DPP6: variants seen among roughly 807,000 people sequenced by gnomAD.
DPP6 encodes the protein A-type potassium channel modulatory protein DPP6.
A neutral mutation model predicts 122.6 loss-of-function variants in DPP6; 69 were observed. The observed-to-expected ratio is 0.56, with a 90% CI of 0.46 to 0.69. The LOEUF (loss-of-function observed/expected upper bound fraction) is 0.69, where lower values mean the gene tolerates loss of function less well. Ranked by LOEUF, DPP6 falls within the 30% of genes least tolerant of loss-of-function variation. The pLI, the probability that DPP6 is intolerant of heterozygous loss-of-function variation, is 0.00. For missense variants in DPP6, 928 were observed against 1,116.9 expected (o/e 0.83, Z 2.41); for synonymous variants, 418 against 433.1 (o/e 0.97, Z 0.43).
chr7:154,696,961 C>T (rs1057326033), intron 7 of DPP6, among the ~76,000 whole-genome samples: 44 of 16,660 alleles, frequency 2.6e-3, no homozygotes, highest in African/African-American at 0.012. Context: ...TGTCCCAGCC[C>T]CTGAGAGAGT....
At chr7:154,011,478 TTCA>T (rs2129048941) in intron 1 of DPP6, among the ~76,000 whole-genome samples, 1 of 152,292 alleles carries the variant, frequency 6.6e-6, no homozygotes, top group East Asian at 1.9e-4. Flanking sequence ...GTACAAAAAA[TTCA>T]TCATTTTAAA....
chr7:154,211,915 G>T (rs537256245), intron 1 of DPP6, among the ~76,000 whole-genome samples: 1 of 152,168 alleles, frequency 6.6e-6, no homozygotes, highest in Non-Finnish European at 1.5e-5. Context: ...ATGAATTGAC[G>T]TGGTGTTACT....
intron 1 of DPP6, among the ~76,000 whole-genome samples, chr7:154,025,423 C>T (rs1174207820): frequency 8.8e-6 from 1 of 113,496 alleles, no homozygotes; most frequent in Non-Finnish European, 1.8e-5. Flanking sequence ...GTAGCTTAGT[C>T]AGAATCTCCC....
the DPP6 span, among the ~76,000 whole-genome samples, chr7:153,856,132 A>G: frequency 6.6e-6 from 1 of 152,080 alleles, no homozygotes; most frequent in African/African-American, 2.4e-5. Flanking sequence ...GAAATGAGGC[A>G]CCTCACTGAA....
At chr7:154,011,876 A>G (rs1286291629) in intron 1 of DPP6, among the ~76,000 whole-genome samples, 1 of 152,200 alleles carries the variant, frequency 6.6e-6, no homozygotes, top group Non-Finnish European at 1.5e-5. Context: ...AAACATTCCT[A>G]CTATCACAGA....
At chr7:154,458,371 C>A (rs937564430) in intron 2 of DPP6, among the ~76,000 whole-genome samples, 3 of 152,172 alleles carry the variant, frequency 2.0e-5, no homozygotes, top group African/African-American at 4.8e-5. Flanking sequence ...TGCCTTCCAC[C>A]ATGATTGTGA....
chr7:154,550,086 G>A (rs114954259), intron 4 of DPP6, among the ~76,000 whole-genome samples: 4,192 of 152,112 alleles, frequency 0.028, 186 homozygotes, highest in African/African-American at 0.093. Flanking sequence ...TGAAAATTAT[G>A]TAACAATTAT....
chr7:154,769,966 G>C (rs911431920), intron 9 of DPP6, among the ~76,000 whole-genome samples: 1 of 152,096 alleles, frequency 6.6e-6, no homozygotes, highest in African/African-American at 2.4e-5. Context: ...GGGCAAGGCT[G>C]TTTTGTTCAT....
intron 21 of DPP6, among the ~76,000 whole-genome samples, chr7:154,883,091 A>G (rs565161668): frequency 6.6e-6 from 1 of 150,564 alleles, no homozygotes; most frequent in Non-Finnish European, 1.5e-5. Context: ...ACACCTGCTC[A>G]CCCATACACA....
At chr7:153,856,797 G>A in the DPP6 span, among the ~76,000 whole-genome samples, 7 of 152,264 alleles carry the variant, frequency 4.6e-5, no homozygotes, top group South Asian at 1.5e-3. Context: ...TTTCAGGATC[G>A]CCAAGGGCTT....
At chr7:154,206,742 G>A (rs1047990615) in intron 1 of DPP6, among the ~76,000 whole-genome samples, 4 of 152,250 alleles carry the variant, frequency 2.6e-5, no homozygotes, top group African/African-American at 7.2e-5. Flanking sequence ...CGATGGAAAT[G>A]TTTTGGAACT....
chr7:154,111,533 A>C (rs1806574767), intron 1 of DPP6, among the ~76,000 whole-genome samples: 1 of 152,112 alleles, frequency 6.6e-6, no homozygotes, highest in Admixed American at 6.5e-5. Flanking sequence ...GATTTATGCC[A>C]ATGGTTAATG....
At chr7:154,048,563 G>A (rs377635400), upstream of DPP6, among the ~76,000 whole-genome samples, 3 of 80,180 alleles carry the variant, frequency 3.7e-5, 1 homozygote, top group Admixed American at 3.5e-4. Context: ...ATTTCTCCCC[G>A]TTTATGAGTT....
chr7:154,795,701 G>T, intron 11 of DPP6, 144 bp from the exon 12 acceptor site: 1 of 1,193,796 alleles, frequency 8.4e-7, no homozygotes. Context: ...GAGCTGCCGT[G>T]GCAGCTGTGC....
intron 1 of DPP6, among the ~76,000 whole-genome samples, chr7:154,385,635 A>G (rs1814039144): frequency 2.6e-5 from 4 of 152,214 alleles, no homozygotes; most frequent in Non-Finnish European, 2.9e-5. Context: ...TGGCTGGCAC[A>G]GGCCATGACA....
intron 10 of DPP6, among the ~76,000 whole-genome samples, chr7:154,785,367 G>GA (rs1288553541): frequency 5.9e-5 from 9 of 152,080 alleles, no homozygotes; most frequent in African/African-American, 2.2e-4. Flanking sequence ...ACATTTCACT[G>GA]TTTTTAAATG....
intron 1 of DPP6, among the ~76,000 whole-genome samples, chr7:154,314,302 G>A (rs1807238995): frequency 6.6e-6 from 1 of 152,174 alleles, no homozygotes; most frequent in Non-Finnish European, 1.5e-5. Flanking sequence ...TTCTTGGCAT[G>A]GAGATTTCAA....
rs965410326 is a variant in DPP6 at position 153,887,823 on chromosome 7, A to T, written c.51+89A>T. 17 of 1,432,178 alleles carry T rather than the reference A, an allele frequency of 1.2e-5. No individual in the cohort carries two copies. In the Admixed American group the frequency reaches 2.7e-4, roughly 23 times the overall value. The allele number at this position is 1,432,178 out of a possible 1,614,324, so 88.7% of individuals were successfully genotyped here. ...GGAGGTCTGTCCTTCTCAGTCCCGA[A>T]CCTCCCTGGAAGGACAGCGACCCCA... On this transcript the variant is annotated intron_variant, in intron 1 of 25. Transcript: ENST00000404039.
At chr7:154,187,090 C>T (rs1172958472) in intron 1 of DPP6, among the ~76,000 whole-genome samples, 1 of 152,194 alleles carries the variant, frequency 6.6e-6, no homozygotes, top group South Asian at 2.1e-4. Flanking sequence ...TTGAAGGAAG[C>T]ACCTCTAATG....
Sources: gnomAD v4.1 joint callset for allele counts (sites outside exome capture counted in the v4.1 genomes callset) on GRCh38, gnomAD v4.1.1 for gene constraint, MANE v1.5 for transcripts, NCBI Gene and HGNC (gene_info 2026-07-23, HGNC 2026-07-21) for gene names.